Variants in STK3 observed in about 807,000 individuals in gnomAD.
STK3 encodes serine/threonine-protein kinase 3.
STK3 carries 41 observed loss-of-function variants against 58.0 expected under a neutral mutation model. The ratio of observed to expected loss-of-function variants is 0.71; its 90% CI spans 0.55 to 0.92. STK3 has a LOEUF of 0.92. Among genes scored for constraint, STK3 ranks in the 40% least tolerant of loss-of-function variants. STK3 has a pLI of 0.00. For synonymous variants in STK3, 170 were observed against 191.0 expected, an observed-to-expected ratio of 0.89 and a Z score of 0.91; for missense variants, 479 against 602.7, an observed-to-expected ratio of 0.79 and a Z score of 2.15.
intron 6 of STK3, among the ~76,000 whole-genome samples, chr8:98,660,816 T>G (rs1225224431): frequency 2.0e-5 from 3 of 152,018 alleles, no homozygotes; most frequent in Non-Finnish European, 4.4e-5. Flanking sequence ...TTCCCTCTTC[T>G]CTTCACTTTC....
intron 1 of STK3, among the ~76,000 whole-genome samples, chr8:98,899,906 C>T (rs1282603902): frequency 6.6e-6 from 1 of 152,138 alleles, no homozygotes; most frequent in Non-Finnish European, 1.5e-5. Context: ...TATAATAACA[C>T]CTCCCTTAGA....
chr8:98,830,144 C>G (rs904071724), upstream of STK3, among the ~76,000 whole-genome samples: 11 of 152,076 alleles, frequency 7.2e-5, no homozygotes, highest in African/African-American at 2.4e-4. Flanking sequence ...CAGGAGAATG[C>G]GTGAACCTGG....
At chr8:98,713,800 C>T (rs1363470846) in intron 4 of STK3, among the ~76,000 whole-genome samples, 1 of 151,872 alleles carries the variant, frequency 6.6e-6, no homozygotes, top group African/African-American at 2.4e-5. Flanking sequence ...ATCCTGATAC[C>T]AAAGCCTGGC....
intron 1 of STK3, among the ~76,000 whole-genome samples, chr8:98,785,889 A>C (rs1832436401): frequency 6.6e-6 from 1 of 152,222 alleles, no homozygotes; most frequent in African/African-American, 2.4e-5. Flanking sequence ...GTACGAAAAT[A>C]ATTACACAAA....
chr8:98,667,643 G>C lies in STK3; in HGVS notation c.684+38824C>G, dbSNP rs932677116. On this transcript the variant is annotated intron_variant, in intron 6 of 10. Transcript: ENST00000419617. ...AGGCAAGTCAAAATAAGAAAAGAGA[G>C]CAAGTATAGACTCTGATAGTCTTTT... 3.3e-5 allele frequency among the ~76,000 whole-genome samples: 5 copies of C among 152,174 alleles called. No homozygotes were observed. In the South Asian group the frequency reaches 6.2e-4, roughly 19 times the overall value.
intron 10 of STK3, among the ~76,000 whole-genome samples, chr8:98,479,205 C>T (rs564190567): frequency 3.9e-5 from 6 of 152,094 alleles, no homozygotes; most frequent in South Asian, 2.1e-4. Flanking sequence ...GACAAAGAAG[C>T]GGCCGGGTGC....
At chr8:98,893,590 GAAGGA>G (rs370549669) in intron 1 of STK3, among the ~76,000 whole-genome samples, 2,941 of 149,720 alleles carry the variant, frequency 0.02, 60 homozygotes, top group African/African-American at 0.04. Flanking sequence ...AGGAAAGAAA[GAAGGA>G]AAGGAAAGGA....
intron 1 of STK3, among the ~76,000 whole-genome samples, chr8:98,884,498 CT>C (rs1247011467): frequency 6.6e-6 from 1 of 152,146 alleles, no homozygotes; most frequent in Non-Finnish European, 1.5e-5. Context: ...AATACAATAG[CT>C]TATCCTACAG....
intron 1 of STK3, among the ~76,000 whole-genome samples, chr8:98,790,707 G>A (rs751496358): frequency 7.9e-5 from 12 of 152,316 alleles, no homozygotes; most frequent in Non-Finnish European, 1.2e-4. Flanking sequence ...CATCTAAGCC[G>A]GGTGTGGTGG....
intron 10 of STK3, among the ~76,000 whole-genome samples, chr8:98,513,241 T>C (rs1456198509): frequency 6.6e-6 from 1 of 152,136 alleles, no homozygotes; most frequent in East Asian, 1.9e-4. Context: ...ACCTTGAGTT[T>C]ACTCAGAGGT....
chr8:98,649,733 T>C (rs1257669253), intron 6 of STK3, among the ~76,000 whole-genome samples: 4 of 152,198 alleles, frequency 2.6e-5, no homozygotes, highest in African/African-American at 7.2e-5. Flanking sequence ...CCAATTCCAA[T>C]GTAAACCATA....
intron 6 of STK3, among the ~76,000 whole-genome samples, chr8:98,658,135 T>C (rs1482858520): frequency 6.6e-6 from 1 of 152,086 alleles, no homozygotes; most frequent in Non-Finnish European, 1.5e-5. Flanking sequence ...ATTTGTATGA[T>C]GGCATGAGCA....
intron 10 of STK3, among the ~76,000 whole-genome samples, chr8:98,526,235 T>C (rs1386066692): frequency 6.6e-6 from 1 of 152,002 alleles, no homozygotes. Flanking sequence ...AAGGCAGTTT[T>C]ATACTGAAGT....
intron 1 of STK3, among the ~76,000 whole-genome samples, chr8:98,898,811 T>G (rs1482514236): frequency 6.6e-6 from 1 of 152,170 alleles, no homozygotes; most frequent in African/African-American, 2.4e-5. Flanking sequence ...GAAAGAAATA[T>G]TTTTAAGAGT....
chr8:98,918,251 A>T (rs1839417904), intron 1 of STK3, among the ~76,000 whole-genome samples: 1 of 152,210 alleles, frequency 6.6e-6, no homozygotes, highest in Non-Finnish European at 1.5e-5. Context: ...TAATGATGTT[A>T]TCAAGTCTCC....
At chr8:98,529,221 C>T (rs1311126858) in intron 9 of STK3, among the ~76,000 whole-genome samples, 1 of 152,026 alleles carries the variant, frequency 6.6e-6, no homozygotes, top group Non-Finnish European at 1.5e-5. Context: ...AAGCCTAAAT[C>T]GATGCCTACT....
intron 1 of STK3, among the ~76,000 whole-genome samples, chr8:98,443,400 T>C (rs1335440449): frequency 6.6e-6 from 1 of 152,220 alleles, no homozygotes. Context: ...TCTCTGCCTG[T>C]ATCTATGTTC....
chr8:98,648,206 A>G (rs539615170), intron 6 of STK3, among the ~76,000 whole-genome samples: 30 of 152,202 alleles, frequency 2.0e-4, no homozygotes, highest in Non-Finnish European at 3.5e-4. Context: ...TTGGGAATGA[A>G]GTTGTCCCCA....
At chr8:98,506,016 G>A (rs901966353) in intron 10 of STK3, among the ~76,000 whole-genome samples, 1 of 152,242 alleles carries the variant, frequency 6.6e-6, no homozygotes, top group Non-Finnish European at 1.5e-5. Flanking sequence ...GGGGTCTATA[G>A]AGTCAGCAGG....
Sources: allele counts gnomAD v4.1 joint callset (sites outside exome capture counted in the v4.1 genomes callset), GRCh38; gene constraint gnomAD v4.1.1; transcripts MANE v1.5; gene names NCBI Gene and HGNC (gene_info 2026-07-23, HGNC 2026-07-21).